The following REV1 variants were observed in gnomAD, a reference collection of about 807,000 sequenced individuals.
REV1 encodes translesion synthesis protein REV1.
A neutral mutation model predicts 137.4 loss-of-function variants in REV1; 42 were observed. The ratio of observed to expected loss-of-function variants is 0.31; its 90% CI spans 0.24 to 0.40. The LOEUF is 0.40. Ranked by LOEUF, REV1 falls within the 10% of genes least tolerant of loss-of-function variation. REV1 has a pLI of 1.00. For missense variants in REV1, 1,282 were observed against 1,490.1 expected, an observed-to-expected ratio of 0.86 and a Z score of 2.30; for synonymous variants, 524 against 519.2, an observed-to-expected ratio of 1.01 and a Z score of -0.12.
intron 13 of REV1, among the ~76,000 whole-genome samples, 200 bp from the exon 14 acceptor site, chr2:99,411,067 C>T (rs974568656): frequency 6.6e-6 from 1 of 152,120 alleles, no homozygotes; most frequent in African/African-American, 2.4e-5. Flanking sequence ...CTGGTGGATT[C>T]GTCTGAGGTC....
At chr2:99,432,956 G>C (rs1303487270) in intron 8 of REV1, among the ~76,000 whole-genome samples, 1 of 152,118 alleles carries the variant, frequency 6.6e-6, no homozygotes, top group African/African-American at 2.4e-5. Context: ...TTTAAATGTA[G>C]GCTGCCGATA....
intron 5 of REV1, among the ~76,000 whole-genome samples, chr2:99,440,455 C>T (rs1199727100): frequency 6.6e-6 from 1 of 152,160 alleles, no homozygotes; most frequent in African/African-American, 2.4e-5. Flanking sequence ...CCTGACTACA[C>T]AGAAAAGTCC....
intron 1 of REV1, among the ~76,000 whole-genome samples, chr2:99,483,945 T>C (rs1042858761): frequency 3.3e-5 from 5 of 152,146 alleles, no homozygotes; most frequent in Non-Finnish European, 7.4e-5. Flanking sequence ...TCTGAGGTGT[T>C]GAGAAGCCAA....
chr2:99,431,038 G>A (rs1250150825), intron 8 of REV1, among the ~76,000 whole-genome samples: 1 of 152,104 alleles, frequency 6.6e-6, no homozygotes, highest in African/African-American at 2.4e-5. Flanking sequence ...GTTTATTTCA[G>A]ACTCACTGTT....
At position 99,449,486 on chromosome 2, in the gene REV1, A is replaced by G. The variant is rs1245762889; in HGVS notation, c.200T>C (p.Leu67Ser). ...NGYTDPSAEELRKLMMLHGGQ... is the reference protein window; with the variant it reads ...NGYTDPSAEESRKLMMLHGGQ... ...TCCATGCAACATCATTAGTTTTCTC[A>G]ATTCCTCAGCGGAAGGATCTGCAAA... The change falls in exon 4 of 23, where the codon TTG becomes TCG. Residue 67 changes from leucine (L) to serine (S), a missense_variant. Transcript: ENST00000258428. 3 of 1,477,638 alleles carry G rather than the reference A, an allele frequency of 2.0e-6. No homozygotes were observed. The highest frequency in any genetic ancestry group is 2.7e-6 in the Non-Finnish European group (3 of 1,116,064). 91.5% of individuals were successfully genotyped at this position (1,477,638 alleles called of 1,614,324 possible). A position where few individuals can be genotyped will look rare whatever the true frequency, so the allele number is the denominator to read the frequency against.
At chr2:99,428,010 G>A (rs1327438490) in intron 9 of REV1, among the ~76,000 whole-genome samples, 2 of 152,044 alleles carry the variant, frequency 1.3e-5, no homozygotes, top group African/African-American at 4.8e-5. Flanking sequence ...ACACACAATT[G>A]TGGCTCCTGG....
At chr2:99,443,991 TG>T (rs1681851770) in intron 4 of REV1, among the ~76,000 whole-genome samples, 1 of 152,176 alleles carries the variant, frequency 6.6e-6, no homozygotes, top group African/African-American at 2.4e-5. Flanking sequence ...GCTAATTTTT[TG>T]TATTTTTTTA....
At position 99,453,825 on chromosome 2, in the gene REV1, G is replaced by A. The variant is rs558720668; in HGVS notation, c.182-4321C>T. On this transcript the variant is annotated intron_variant, in intron 3 of 22. Transcript: ENST00000258428. ...GGAGAATCCCTTGAACCTGGGAGGC[G>A]GAGGTTACAGTGAGCCAAGATCACG... 1.6e-4 allele frequency among the ~76,000 whole-genome samples: 24 copies of A among 146,688 alleles called. No homozygotes were observed. In the East Asian group the frequency reaches 2.7e-3, roughly 16 times the overall value.
At chr2:99,442,540 T>A in intron 4 of REV1, 71 bp from the exon 5 acceptor site, 1 of 1,390,854 alleles carries the variant, frequency 7.2e-7, no homozygotes, top group Non-Finnish European at 1.0e-6. Flanking sequence ...AAATATTCAA[T>A]GTCCTTAAAG....
intron 22 of REV1, among the ~76,000 whole-genome samples, chr2:99,401,783 T>G (rs1033140511): frequency 2.6e-5 from 4 of 152,200 alleles, no homozygotes; most frequent in African/African-American, 9.7e-5. Context: ...AAATTTTTTT[T>G]TATTTTGTTT....
At chr2:99,401,972 G>A (rs1053887079) in intron 22 of REV1, among the ~76,000 whole-genome samples, 4 of 152,068 alleles carry the variant, frequency 2.6e-5, no homozygotes, top group African/African-American at 4.8e-5. Flanking sequence ...GGTCTCAAAC[G>A]ATCCACCCAC....
intron 1 of REV1, among the ~76,000 whole-genome samples, chr2:99,485,826 T>A (rs995379134): frequency 1.3e-5 from 2 of 152,184 alleles, no homozygotes; most frequent in Non-Finnish European, 1.5e-5. Flanking sequence ...GTAATAAATA[T>A]AAAATTTAGC....
chr2:99,445,692 A>G (rs1027015363), intron 4 of REV1, among the ~76,000 whole-genome samples: 1 of 152,218 alleles, frequency 6.6e-6, no homozygotes, highest in African/African-American at 2.4e-5. Context: ...TTAATACACT[A>G]TGTACAAGTG....
At chr2:99,409,478 A>G (rs1676798400) in intron 14 of REV1, among the ~76,000 whole-genome samples, 1 of 152,200 alleles carries the variant, frequency 6.6e-6, no homozygotes, top group African/African-American at 2.4e-5. Context: ...GACATGTAAA[A>G]CCACACATCT....
chr2:99,424,440 T>C (rs1395342230), intron 9 of REV1, 160 bp from the exon 10 acceptor site: 2 of 767,434 alleles, frequency 2.6e-6, no homozygotes, highest in Non-Finnish European at 4.0e-6. Context: ...TACAGCCTTG[T>C]TTTCCCCCAA....
chr2:99,473,620 C>G (rs1374894900), intron 1 of REV1, among the ~76,000 whole-genome samples: 1 of 152,094 alleles, frequency 6.6e-6, no homozygotes, highest in African/African-American at 2.4e-5. Flanking sequence ...CTAATAAAAC[C>G]CATTTTTGCC....
At chr2:99,483,017 C>CAAA (rs540388372) in intron 1 of REV1, among the ~76,000 whole-genome samples, 25 of 104,810 alleles carry the variant, frequency 2.4e-4, no homozygotes, top group African/African-American at 8.8e-4. Flanking sequence ...AACTCCGTTT[C>CAAA]AAAAAAAAAA....
At chr2:99,446,273 C>T (rs1682193283) in intron 4 of REV1, among the ~76,000 whole-genome samples, 1 of 152,162 alleles carries the variant, frequency 6.6e-6, no homozygotes, top group Admixed American at 6.5e-5. Flanking sequence ...GCCCTGTCTC[C>T]TCAAATACAA....
At chr2:99,473,937 T>G (rs1685696986) in intron 1 of REV1, among the ~76,000 whole-genome samples, 2 of 152,238 alleles carry the variant, frequency 1.3e-5, no homozygotes. Context: ...CAGTATGCAA[T>G]CCTGCTAGGT....
Sources: gnomAD v4.1 joint callset for allele counts (sites outside exome capture counted in the v4.1 genomes callset) on GRCh38, gnomAD v4.1.1 for gene constraint, MANE v1.5 for transcripts, NCBI Gene and HGNC (gene_info 2026-07-23, HGNC 2026-07-21) for gene names.